The following PBX4 variants were observed in gnomAD, a reference collection of about 807,000 sequenced individuals.
PBX4 encodes the protein pre-B-cell leukemia transcription factor 4.
PBX4 carries 26 observed loss-of-function variants against 35.1 expected under a neutral mutation model. The observed-to-expected ratio is 0.74, with a 90% CI of 0.54 to 1.03. The LOEUF (loss-of-function observed/expected upper bound fraction) is 1.03. PBX4 is among the 50% of genes least tolerant of loss of function. The pLI, the probability that PBX4 is intolerant of heterozygous loss-of-function variation, is 0.00. For synonymous variants in PBX4, 199 were observed against 204.2 expected (o/e 0.97, Z 0.22); for missense variants, 448 against 504.3 (o/e 0.89, Z 1.07).
chr19:19,610,971 A>T (rs2061659938), intron 1 of PBX4, among the ~76,000 whole-genome samples: 1 of 152,160 alleles, frequency 6.6e-6, no homozygotes, highest in South Asian at 2.1e-4. Flanking sequence ...GGACTGATAG[A>T]TCCTCTCATG....
intron 1 of PBX4, among the ~76,000 whole-genome samples, chr19:19,613,828 C>T (rs2061675350): frequency 6.6e-6 from 1 of 152,144 alleles, no homozygotes; most frequent in African/African-American, 2.4e-5. Flanking sequence ...TATAATAAAG[C>T]CACTGCTCTC....
chr19:19,575,223 C>T (rs1163810072), intron 2 of PBX4, among the ~76,000 whole-genome samples: 5 of 141,420 alleles, frequency 3.5e-5, no homozygotes, highest in African/African-American at 1.1e-4. Flanking sequence ...GGCAACAGAG[C>T]GAGACTCTGT....
rs939969022 is a variant in PBX4, at chr19:19,586,886, G to A, written c.193+12406C>T. Among the ~76,000 whole-genome samples, 5 of 151,390 alleles carry A rather than the reference G, an allele frequency of 3.3e-5. No homozygotes were observed. The South Asian group carries it at 6.3e-4, about 19-fold the overall frequency. ...GTGAAGGTTACAGTGAGCCGAGATCGCGCCACTGTACTCCAGCATGGGCGA... is the reference window on the plus strand; with the variant it reads ...GTGAAGGTTACAGTGAGCCGAGATCACGCCACTGTACTCCAGCATGGGCGA... On this transcript the variant is annotated intron_variant, in intron 2 of 7. Coordinates refer to ENST00000251203, the MANE Select transcript of PBX4 (RefSeq NM_025245.3).
intron 2 of PBX4, among the ~76,000 whole-genome samples, chr19:19,596,911 CA>C (rs57080281): frequency 2.6e-3 from 250 of 96,780 alleles, no homozygotes; most frequent in Middle Eastern, 5.4e-3. Flanking sequence ...ACCCTGTCTC[CA>C]AAAAAAAAAA....
chr19:19,579,913 G>A (rs62137783), intron 2 of PBX4: 28,105 of 152,254 alleles, frequency 0.18, 3,235 homozygotes, highest in East Asian at 0.29. Flanking sequence ...CCAATCAATC[G>A]ATCGTGGAGG....
intron 2 of PBX4, among the ~76,000 whole-genome samples, chr19:19,596,371 A>AATAAATAG (rs2061561067): frequency 6.6e-6 from 1 of 151,802 alleles, no homozygotes. Flanking sequence ...AGAATAAATA[A>AATAAATAG]ATAAATAAAT....
intron 4 of PBX4, 89 bp from the exon 5 acceptor site, chr19:19,569,673 T>G: frequency 6.7e-7 from 1 of 1,483,946 alleles, no homozygotes; most frequent in Non-Finnish European, 9.0e-7. Context: ...TTTCCAGTAG[T>G]TCTGAAAACA....
chr19:19,568,731 C>A (rs1352608572), intron 5 of PBX4, among the ~76,000 whole-genome samples: 1 of 152,032 alleles, frequency 6.6e-6, no homozygotes, highest in African/African-American at 2.4e-5. Context: ...CTGTCTGTAT[C>A]CCTCAGGGAG....
At chr19:19,566,427 C>G (rs1262840481) in intron 5 of PBX4, among the ~76,000 whole-genome samples, 1 of 152,242 alleles carries the variant, frequency 6.6e-6, no homozygotes, top group African/African-American at 2.4e-5. Flanking sequence ...AGACGTCCAT[C>G]CAGGGCCACA....
rs2061448070 is a variant in PBX4, at chr19:19,580,612, A to C, written c.194-9779T>G. Among the ~76,000 whole-genome samples, 4 of 152,358 alleles carry C rather than the reference A, an allele frequency of 2.6e-5. No homozygotes were observed. In the South Asian group the frequency reaches 8.3e-4, roughly 32 times the overall value. ...AATAAGGAAATGAGTTCTACAAGGC[A>C]TTCTGGCAAGGTGCTCACCAGGAGC... On this transcript the variant is annotated intron_variant, in intron 2 of 7. Transcript: ENST00000251203.
intron 1 of PBX4, among the ~76,000 whole-genome samples, chr19:19,609,219 C>A (rs1476459): frequency 0.19 from 28,686 of 151,970 alleles, 3,372 homozygotes; most frequent in East Asian, 0.28. Flanking sequence ...CATCCAACTA[C>A]CCTCCAGTTA....
At chr19:19,612,919 A>G (rs905603727) in intron 1 of PBX4, among the ~76,000 whole-genome samples, 2 of 151,796 alleles carry the variant, frequency 1.3e-5, no homozygotes, top group Admixed American at 6.6e-5. Context: ...CCAGGGTTCA[A>G]TCGGTTCTCC....
At chr19:19,578,112 C>T (rs2061431805) in intron 2 of PBX4, among the ~76,000 whole-genome samples, 1 of 149,170 alleles carries the variant, frequency 6.7e-6, no homozygotes, top group East Asian at 2.0e-4. Context: ...TCTGCCTGAA[C>T]CCAGGAGGTA....
intron 2 of PBX4, among the ~76,000 whole-genome samples, chr19:19,593,284 G>A (rs2061539977): frequency 6.6e-6 from 1 of 152,194 alleles, no homozygotes; most frequent in Admixed American, 6.5e-5. Flanking sequence ...TTCAGCCAGA[G>A]GGAAATGTGA....
intron 2 of PBX4, among the ~76,000 whole-genome samples, chr19:19,598,441 G>A (rs2061574108): frequency 6.6e-6 from 1 of 151,832 alleles, no homozygotes; most frequent in Non-Finnish European, 1.5e-5. Flanking sequence ...GGGATTACAG[G>A]CATGTGCCAC....
intron 2 of PBX4, among the ~76,000 whole-genome samples, chr19:19,581,036 T>C (rs769597953): frequency 3.3e-4 from 50 of 152,238 alleles, no homozygotes; most frequent in Admixed American, 1.0e-3. Flanking sequence ...CCCGACCAGA[T>C]TTTACCTTGT....
At chr19:19,579,912 C>T (rs1222413173) in intron 2 of PBX4, 1 of 152,434 alleles carries the variant, frequency 6.6e-6, no homozygotes, top group Non-Finnish European at 1.5e-5. Flanking sequence ...GCCAATCAAT[C>T]GATCGTGGAG....
At chr19:19,577,822 G>T (rs2061429510) in intron 2 of PBX4, among the ~76,000 whole-genome samples, 1 of 151,422 alleles carries the variant, frequency 6.6e-6, no homozygotes, top group South Asian at 2.1e-4. Flanking sequence ...TCGCGCCAGT[G>T]CACTCCAGCC....
At position 19,570,729 on chromosome 19, in the gene PBX4, C is replaced by T. The variant is rs775195749; in HGVS notation, c.298G>A (p.Gly100Arg). Residue 100 changes from glycine (G) to arginine (R), a missense_variant, in exon 3 of 8, where the codon GGA becomes AGA. Transcript: ENST00000251203. ...GCCCTGGCCACCGCTCCTCCTCTTC[C>T]TCTCTTCTCGGGCCTGCACACGCCC... ...AEGVCRPEKR[G>R]RGGAVARAGT... 2.5e-6 allele frequency: 4 copies of T among 1,614,186 alleles called. No homozygotes were observed. The highest frequency in any genetic ancestry group is 1.1e-5 in the South Asian group (1 of 91,078).
Sources: gnomAD v4.1 joint callset for allele counts (sites outside exome capture counted in the v4.1 genomes callset) on GRCh38, gnomAD v4.1.1 for gene constraint, MANE v1.5 for transcripts, NCBI Gene and HGNC (gene_info 2026-07-23, HGNC 2026-07-21) for gene names.